BFSP2: variants seen among roughly 807,000 people sequenced by gnomAD.
The protein encoded by BFSP2 is phakinin.
BFSP2 carries 38 observed loss-of-function variants against 44.9 expected under a neutral mutation model. That is an observed-to-expected ratio of 0.85 (90% confidence interval 0.65 to 1.11). The LOEUF (loss-of-function observed/expected upper bound fraction) is 1.11, where lower values mean the gene tolerates loss of function less well. BFSP2 is among the 50% of genes least tolerant of loss of function. The pLI, the probability that BFSP2 is intolerant of heterozygous loss-of-function variation, is 0.00. For missense variants in BFSP2, 525 were observed against 533.0 expected (o/e 0.99, Z 0.15); for synonymous variants, 197 against 209.9 (o/e 0.94, Z 0.53).
chr3:133,424,230 T>TGTGTGTGTGTGTGTGTG (rs2073622819), intron 1 of BFSP2, among the ~76,000 whole-genome samples: 1 of 129,636 alleles, frequency 7.7e-6, no homozygotes, highest in Non-Finnish European at 1.6e-5. Flanking sequence ...TTTTTTTTTT[T>TGTGTGTGTGTGTGTGTG]TTTTTTTTTT....
chr3:133,429,679 T>G (rs1485044552), intron 1 of BFSP2: 3 of 152,236 alleles, frequency 2.0e-5, no homozygotes, highest in Non-Finnish European at 4.4e-5. Context: ...ATCTATCATT[T>G]CATTGTATAT....
intron 1 of BFSP2, among the ~76,000 whole-genome samples, chr3:133,437,071 T>A (rs948635014): frequency 4.4e-4 from 67 of 152,238 alleles, no homozygotes; most frequent in African/African-American, 1.6e-3. Flanking sequence ...AACATACGTG[T>A]GCATGTGTCT....
chr3:133,453,405 G>A (rs559661437), intron 4 of BFSP2, among the ~76,000 whole-genome samples: 1 of 152,190 alleles, frequency 6.6e-6, no homozygotes, highest in African/African-American at 2.4e-5. Flanking sequence ...CTTAGTTTAG[G>A]TTCCTTCAGA....
At chr3:133,464,503 A>G (rs1427954750) in intron 4 of BFSP2, among the ~76,000 whole-genome samples, 1 of 152,264 alleles carries the variant, frequency 6.6e-6, no homozygotes, top group Non-Finnish European at 1.5e-5. Flanking sequence ...CCTAATACAT[A>G]TTCTTTATTA....
At chr3:133,410,488 G>A in intron 1 of BFSP2, 1 of 278,150 alleles carries the variant, frequency 3.6e-6, no homozygotes. Context: ...AGTCATTCCA[G>A]CTCTCATGGG....
chr3:133,444,283 C>T (rs1415588005), intron 1 of BFSP2, among the ~76,000 whole-genome samples: 3 of 152,138 alleles, frequency 2.0e-5, no homozygotes, highest in African/African-American at 2.4e-5. Context: ...TAATGGCTAC[C>T]GTTCATGCAA....
In BFSP2 at chr3:133,460,108, CTTAT is replaced by C. The variant is rs554267393; in HGVS notation, c.892-6719_892-6716del. On this transcript the variant is annotated intron_variant, in intron 4 of 6. Transcript: ENST00000302334. The stretch of plus-strand genomic sequence containing the variant: ...GCAAGAAATGGGTAGAAAGGCTACT[CTTAT>C]ACAAGGCAGGATGAAATTTTCCACA... Among the ~76,000 whole-genome samples the C allele has an allele frequency of 2.3e-3, 351 of 152,276 alleles. 2 individuals carry two copies. The highest frequency in any genetic ancestry group is 7.6e-3 in the African/African-American group (316 of 41,554).
chr3:133,426,010 AAGGG>A lies in BFSP2; in HGVS notation c.490-21305_490-21302del, dbSNP rs1289881804. Among the ~76,000 whole-genome samples, 20 of 69,112 alleles carry A rather than the reference AAGGG, an allele frequency of 2.9e-4. 4 individuals are homozygous for A. Among genetic ancestry groups the A allele is most frequent in the East Asian group, 2.1e-3 (4 of 1,912 alleles). 45.3% of individuals were successfully genotyped at this position (69,112 alleles called of 152,430 possible). ...CAGGGCAGGGCAGGGCAGGGAAAGG[AAGGG>A]AAGGGAAGGGAAGGGAAGGGAAGGG... On this transcript the variant is annotated intron_variant, in intron 1 of 6. Transcript: ENST00000302334.
intron 1 of BFSP2, among the ~76,000 whole-genome samples, chr3:133,433,491 C>A (rs181378369): frequency 6.6e-6 from 1 of 152,186 alleles, no homozygotes; most frequent in Non-Finnish European, 1.5e-5. Flanking sequence ...GATTTGCCCC[C>A]ACCCAGGACT....
Position 133,433,791 on chromosome 3 carries a change from C to T in BFSP2, c.490-13526C>T, listed in dbSNP as rs185218188. Among the ~76,000 whole-genome samples, 42 of 152,322 alleles carry T rather than the reference C, an allele frequency of 2.8e-4. 1 individual carries two copies. In the East Asian group the frequency reaches 2.9e-3, roughly 10 times the overall value. ...AAAAACACACCTCACCAAGCTCAGC[C>T]AGCAACTTAAAAAGGACTGAACAAT... On this transcript the variant is annotated intron_variant, in intron 1 of 6. Transcript: ENST00000302334.
chr3:133,450,534 T>A, intron 4 of BFSP2, 70 bp downstream of exon 4: 1 of 1,563,418 alleles, frequency 6.4e-7, no homozygotes, highest in Non-Finnish European at 8.8e-7. Flanking sequence ...TGCAAACTAG[T>A]CAATGTGCAG....
At chr3:133,429,912 C>A (rs533473603) in intron 1 of BFSP2, among the ~76,000 whole-genome samples, 9 of 151,028 alleles carry the variant, frequency 6.0e-5, no homozygotes, top group Admixed American at 1.3e-4. Flanking sequence ...CCACTACCCC[C>A]ACCCCACAAC....
chr3:133,440,290 C>G (rs2073832741), intron 1 of BFSP2, among the ~76,000 whole-genome samples: 2 of 152,140 alleles, frequency 1.3e-5, no homozygotes, highest in South Asian at 4.2e-4. Flanking sequence ...ATTATGGGAG[C>G]TACAATTCAA....
At chr3:133,446,278 G>A (rs1207204939) in intron 1 of BFSP2, among the ~76,000 whole-genome samples, 1 of 151,776 alleles carries the variant, frequency 6.6e-6, no homozygotes, top group East Asian at 1.9e-4. Flanking sequence ...AAAATTAGCT[G>A]GGCGCAGTGG....
In BFSP2 at chr3:133,430,522, A is replaced by G. The variant is rs192865079; in HGVS notation, c.490-16795A>G. Among the ~76,000 whole-genome samples, 106 of 152,116 alleles carry G rather than the reference A, an allele frequency of 7.0e-4. 1 individual carries two copies. The highest frequency in any genetic ancestry group is 2.4e-3 in the African/African-American group (100 of 41,470). On this transcript the variant is annotated intron_variant, in intron 1 of 6. Coordinates refer to ENST00000302334, the MANE Select transcript of BFSP2 (RefSeq NM_003571.4). ...TGATTTTCTTCTGCAATGCCGCTTGACCCCAATACATACTCGACAGTAGTT... is the reference window on the plus strand; with the variant it reads ...TGATTTTCTTCTGCAATGCCGCTTGGCCCCAATACATACTCGACAGTAGTT...
At chr3:133,408,027 T>A (rs548987668) in intron 1 of BFSP2, among the ~76,000 whole-genome samples, 1 of 152,078 alleles carries the variant, frequency 6.6e-6, no homozygotes, top group Non-Finnish European at 1.5e-5. Flanking sequence ...TAAATTTGAT[T>A]AAGAAAAATT....
intron 4 of BFSP2, among the ~76,000 whole-genome samples, chr3:133,454,774 A>T (rs2073998175): frequency 6.6e-6 from 1 of 152,170 alleles, no homozygotes. Flanking sequence ...CAAATTTTTG[A>T]CTCTATTATA....
At chr3:133,450,237 T>A in intron 3 of BFSP2, 66 bp from the exon 4 acceptor site, 1 of 1,571,020 alleles carries the variant, frequency 6.4e-7, no homozygotes, top group Non-Finnish European at 8.7e-7. Flanking sequence ...GGTTTTCTGC[T>A]GGCTAGAATT....
In BFSP2 at chr3:133,474,981, C is replaced by A. The variant is rs774547265; in HGVS notation, c.*9C>A. On this transcript the variant is annotated 3_prime_UTR_variant, in exon 7 of 7. Coordinates refer to ENST00000302334, the MANE Select transcript of BFSP2 (RefSeq NM_003571.4). Reference sequence around the variant, plus strand: ...TGTTTCCTTTCAGCTGATGGAGAAACTTCCTCTTTTTCATGAAGAAAACAC... The same window carrying A: ...TGTTTCCTTTCAGCTGATGGAGAAAATTCCTCTTTTTCATGAAGAAAACAC... The A allele has an allele frequency of 6.2e-7, 1 of 1,614,178 alleles. No individual in the cohort carries two copies. The highest frequency in any genetic ancestry group is 8.5e-7 in the Non-Finnish European group (1 of 1,180,018).
Sources: allele counts gnomAD v4.1 joint callset (sites outside exome capture counted in the v4.1 genomes callset), GRCh38; gene constraint gnomAD v4.1.1; transcripts MANE v1.5; gene names NCBI Gene and HGNC (gene_info 2026-07-23, HGNC 2026-07-21).